Variants in UBE3D observed in about 807,000 individuals in gnomAD.
UBE3D encodes the protein ubiquitin protein ligase E3D.
UBE3D carries 48 observed loss-of-function variants against 49.6 expected under a neutral mutation model. That is an observed-to-expected ratio of 0.97 (90% CI 0.77 to 1.23). The LOEUF (loss-of-function observed/expected upper bound fraction) is 1.23. UBE3D is among the 50% of genes most tolerant of loss of function. The pLI, the probability that UBE3D is intolerant of heterozygous loss-of-function variation, is 0.00. For synonymous variants in UBE3D, 189 were observed against 174.2 expected (o/e 1.08, Z -0.67); for missense variants, 452 against 468.4 (o/e 0.96, Z 0.32).
At position 83,057,946 on chromosome 6, in the gene UBE3D, A is replaced by C; in HGVS notation, c.154T>G (p.Cys52Gly). The C allele has an allele frequency of 1.2e-6, 2 of 1,614,220 alleles. No individual in the cohort carries two copies. Among genetic ancestry groups the C allele is most frequent in the African/African-American group, 2.7e-5 (2 of 75,058 alleles). The part of the protein sequence containing the change: ...SSLQMKTPEG[C>G]TEIQLPAEVR... The stretch of plus-strand genomic sequence containing the variant: ...TCTGCTGGAAGCTGGATTTCTGTGC[A>C]GCCTTCAGGGGTTTTCATCTGGAGT... Residue 52 changes from cysteine to glycine, a missense_variant, in exon 2 of 10, where the codon TGC becomes GGC. By Grantham distance (159) the Cys-to-Gly change is radical (BLOSUM62 -3). Transcript: ENST00000369747.
At chr6:83,031,889 C>A (rs1322222898) in intron 5 of UBE3D, among the ~76,000 whole-genome samples, 2 of 152,172 alleles carry the variant, frequency 1.3e-5, no homozygotes, top group Non-Finnish European at 2.9e-5. Flanking sequence ...CAAACCTTGG[C>A]AAATTCCATG....
intron 9 of UBE3D, among the ~76,000 whole-genome samples, chr6:82,927,183 C>T (rs1215744363): frequency 6.7e-6 from 1 of 148,830 alleles, no homozygotes; most frequent in East Asian, 2.0e-4. Context: ...CATTTCTGGG[C>T]TTTCTATTCT....
At chr6:82,985,613 C>T (rs1377359412) in intron 8 of UBE3D, among the ~76,000 whole-genome samples, 2 of 152,288 alleles carry the variant, frequency 1.3e-5, no homozygotes, top group Middle Eastern at 3.4e-3. Context: ...CCACCCGCCT[C>T]GGCCTCACAA....
intron 3 of UBE3D, among the ~76,000 whole-genome samples, chr6:83,050,596 T>C (rs1368248020): frequency 1.3e-5 from 2 of 152,248 alleles, no homozygotes; most frequent in Non-Finnish European, 2.9e-5. Context: ...ATACATGCTC[T>C]TTTGAAAACC....
At chr6:82,952,430 TA>T (rs1775868375) in intron 9 of UBE3D, among the ~76,000 whole-genome samples, 2 of 146,874 alleles carry the variant, frequency 1.4e-5, no homozygotes, top group Admixed American at 1.4e-4. Context: ...TATTAATATC[TA>T]ATTTTTTTTT....
intron 5 of UBE3D, among the ~76,000 whole-genome samples, chr6:83,028,284 T>C (rs1781624029): frequency 1.3e-5 from 2 of 152,228 alleles, no homozygotes; most frequent in South Asian, 4.1e-4. Flanking sequence ...GTGTGCCTAT[T>C]TATCTTTGGT....
chr6:83,045,046 T>C (rs1262331572), intron 3 of UBE3D, among the ~76,000 whole-genome samples: 2 of 152,192 alleles, frequency 1.3e-5, no homozygotes, highest in Non-Finnish European at 2.9e-5. Context: ...CATAAGTACA[T>C]CAAAACTTTT....
At chr6:82,979,571 A>G (rs1173227714) in intron 8 of UBE3D, among the ~76,000 whole-genome samples, 1 of 152,136 alleles carries the variant, frequency 6.6e-6, no homozygotes, top group Non-Finnish European at 1.5e-5. Flanking sequence ...TAAGCTAAAC[A>G]TTCCCCAAGT....
At chr6:82,959,899 A>G (rs565493570) in intron 8 of UBE3D, among the ~76,000 whole-genome samples, 22 of 152,160 alleles carry the variant, frequency 1.4e-4, no homozygotes, top group African/African-American at 5.3e-4. Flanking sequence ...AGTGGAAGAA[A>G]GGCAGCTCCA....
intron 9 of UBE3D, among the ~76,000 whole-genome samples, chr6:82,936,941 A>T (rs376766870): frequency 6.6e-6 from 1 of 152,236 alleles, no homozygotes; most frequent in Non-Finnish European, 1.5e-5. Flanking sequence ...ATAGACAGGG[A>T]AAGTGACTTA....
rs1049138851 is a variant in UBE3D at position 82,957,241 on chromosome 6, G to C, written c.1149+71C>G. On this transcript the variant is annotated intron_variant, in intron 9 of 9. Transcript: ENST00000369747. ...ATTCCACGGGCTATCTCCTGTGAAA[G>C]AGAGGATCCTTAAAAAATAATTCCA... The C allele has an allele frequency of 1.4e-5, 22 of 1,530,502 alleles. 1 individual carries two copies. The Middle Eastern group carries it at 6.9e-4, about 48-fold the overall frequency. 94.8% of individuals were successfully genotyped at this position (1,530,502 alleles called of 1,614,324 possible).
chr6:82,948,902 C>A (rs1263736008), intron 9 of UBE3D, among the ~76,000 whole-genome samples: 1 of 151,998 alleles, frequency 6.6e-6, no homozygotes, highest in Non-Finnish European at 1.5e-5. Context: ...ATGATAGACC[C>A]ATAGCTAGTA....
rs193260357 is a variant in UBE3D at position 83,007,741 on chromosome 6, T to A, written c.1010+11232A>T. On this transcript the variant is annotated intron_variant, in intron 8 of 9. Coordinates refer to ENST00000369747, the MANE Select transcript of UBE3D (RefSeq NM_198920.3). Reference sequence around the variant, plus strand: ...GGGTGAATCACTTGAGCCCAGCAGTTCGAGATAAGTCTGTGCAACATGGCA... The same window carrying A: ...GGGTGAATCACTTGAGCCCAGCAGTACGAGATAAGTCTGTGCAACATGGCA... Among the ~76,000 whole-genome samples the A allele has an allele frequency of 2.2e-4, 33 of 152,288 alleles. 1 individual carries two copies. The highest frequency in any genetic ancestry group is 7.2e-4 in the African/African-American group (30 of 41,584).
At chr6:83,011,745 G>A (rs933399789) in intron 8 of UBE3D, among the ~76,000 whole-genome samples, 14 of 152,036 alleles carry the variant, frequency 9.2e-5, no homozygotes, top group African/African-American at 2.4e-4. Flanking sequence ...TCGTGGCAGC[G>A]TTGCTCCCAC....
chr6:83,021,010 T>A (rs1462205839), intron 7 of UBE3D, among the ~76,000 whole-genome samples: 2 of 152,232 alleles, frequency 1.3e-5, no homozygotes, highest in African/African-American at 4.8e-5. Flanking sequence ...TGCAGGACAC[T>A]GTTTTTCAGA....
chr6:83,004,332 C>T (rs368430215), intron 8 of UBE3D, among the ~76,000 whole-genome samples: 2 of 152,140 alleles, frequency 1.3e-5, no homozygotes, highest in East Asian at 1.9e-4. Flanking sequence ...AGAGACTACA[C>T]GATACAATGA....
At chr6:83,019,514 T>C (rs2127770108) in intron 7 of UBE3D, among the ~76,000 whole-genome samples, 1 of 152,292 alleles carries the variant, frequency 6.6e-6, no homozygotes, top group East Asian at 1.9e-4. Context: ...AACTAATAAA[T>C]GTAAAATTTT....
At chr6:82,929,555 T>A (rs1773992342) in intron 9 of UBE3D, among the ~76,000 whole-genome samples, 1 of 152,056 alleles carries the variant, frequency 6.6e-6, no homozygotes, top group African/African-American at 2.4e-5. Context: ...TTTAGTGGGT[T>A]TTTTTGTTGG....
rs1257139477 is a variant in UBE3D, at chr6:83,057,871, C to T, written c.229G>A (p.Asp77Asn). ...SCRGLQFVVG[D>N]GLHLRLQTQA... is the part of the protein sequence containing the mutation. Reference sequence around the variant, plus strand: ...GTCTGCAGTCGCAGGTGCAGTCCATCTCCAACAACAAACTGTAGCCCACGG... The same window carrying T: ...GTCTGCAGTCGCAGGTGCAGTCCATTTCCAACAACAAACTGTAGCCCACGG... The change falls in exon 2 of 10, where the codon GAT becomes AAT. Residue 77 changes from aspartate to asparagine, a missense_variant. By Grantham distance (23) the Asp-to-Asn change is conservative (BLOSUM62 1). Coordinates refer to ENST00000369747, the MANE Select transcript of UBE3D (RefSeq NM_198920.3). The T allele has an allele frequency of 6.2e-7, 1 of 1,614,064 alleles. No homozygotes were observed.
Sources: gnomAD v4.1 joint callset for allele counts (sites outside exome capture counted in the v4.1 genomes callset) on GRCh38, gnomAD v4.1.1 for gene constraint, MANE v1.5 for transcripts, NCBI Gene and HGNC (gene_info 2026-07-23, HGNC 2026-07-21) for gene names.